The following SGCZ variants were observed in gnomAD, a reference collection of about 807,000 sequenced individuals.
SGCZ encodes sarcoglycan zeta, also known as zeta-sarcoglycan.
In SGCZ, 40 loss-of-function variants were observed where a neutral mutation model predicts 41.3. The ratio of observed to expected loss-of-function variants is 0.97; its 90% CI spans 0.75 to 1.26. The LOEUF is 1.26. Ranked by LOEUF, SGCZ falls within the 50% of genes most tolerant of loss-of-function variation. The pLI is 0.00. For missense variants in SGCZ, 552 were observed against 369.8 expected, an observed-to-expected ratio of 1.49 and a Z score of -4.04; for synonymous variants, 206 against 137.5, an observed-to-expected ratio of 1.50 and a Z score of -3.49.
chr8:14,514,907 T>C (rs919022436), intron 2 of SGCZ, among the ~76,000 whole-genome samples: 6 of 151,466 alleles, frequency 4.0e-5, no homozygotes, highest in African/African-American at 1.5e-4. Flanking sequence ...TTGTTCTTTC[T>C]ATTATGTTAC....
intron 2 of SGCZ, among the ~76,000 whole-genome samples, chr8:14,444,070 A>G (rs1392994310): frequency 6.9e-4 from 105 of 152,352 alleles, no homozygotes; most frequent in Non-Finnish European, 2.9e-4. Context: ...AATGCTCATC[A>G]TCACTGGCCA....
At chr8:14,605,422 CTT>C in intron 1 of SGCZ, among the ~76,000 whole-genome samples, 1 of 152,170 alleles carries the variant, frequency 6.6e-6, no homozygotes, top group Non-Finnish European at 1.5e-5. Context: ...GAATTACACT[CTT>C]TTAGTTACTT....
At chr8:14,463,690 G>C (rs1047324879) in intron 2 of SGCZ, among the ~76,000 whole-genome samples, 1 of 151,620 alleles carries the variant, frequency 6.6e-6, no homozygotes, top group Non-Finnish European at 1.5e-5. Flanking sequence ...GGCACTATCA[G>C]GTCTTGTTCT....
intron 2 of SGCZ, among the ~76,000 whole-genome samples, chr8:14,413,244 T>G (rs1799408339): frequency 6.6e-6 from 1 of 152,030 alleles, no homozygotes; most frequent in Admixed American, 6.6e-5. Flanking sequence ...TAGGTAATGT[T>G]GTAATTATTC....
intron 1 of SGCZ, among the ~76,000 whole-genome samples, chr8:15,065,259 T>C (rs1805086855): frequency 6.6e-6 from 1 of 152,086 alleles, no homozygotes; most frequent in Non-Finnish European, 1.5e-5. Context: ...GCATTTCCTA[T>C]GATTCAGTTT....
intron 1 of SGCZ, among the ~76,000 whole-genome samples, chr8:14,715,874 T>C (rs1325929361): frequency 6.6e-6 from 1 of 152,086 alleles, no homozygotes; most frequent in Non-Finnish European, 1.5e-5. Context: ...GGAAACAAGT[T>C]ATCATCAGTA....
intron 2 of SGCZ, among the ~76,000 whole-genome samples, chr8:14,494,254 C>A (rs1462636545): frequency 1.3e-5 from 2 of 152,140 alleles, no homozygotes; most frequent in Non-Finnish European, 2.9e-5. Flanking sequence ...GAGCCTGTCT[C>A]TCTCAATCAC....
At chr8:14,214,370 G>A (rs537234138) in intron 4 of SGCZ, among the ~76,000 whole-genome samples, 16 of 152,040 alleles carry the variant, frequency 1.1e-4, no homozygotes, top group East Asian at 7.7e-4. Context: ...ATGGGATACC[G>A]GAACAGAAAA....
intron 1 of SGCZ, among the ~76,000 whole-genome samples, chr8:14,588,560 C>A (rs1170745816): frequency 1.3e-5 from 2 of 151,848 alleles, no homozygotes; most frequent in African/African-American, 2.4e-5. Context: ...ACATTACTTT[C>A]ATGAGCAAAT....
In SGCZ at chr8:14,636,318, T is replaced by G. The variant is rs191560339; in HGVS notation, c.40-81392A>C. 2.5e-4 allele frequency among the ~76,000 whole-genome samples: 38 copies of G among 151,924 alleles called. 1 individual carries two copies. Among genetic ancestry groups the G allele is most frequent in the Admixed American group, 2.3e-3 (35 of 15,192 alleles). The stretch of plus-strand genomic sequence containing the variant: ...GAAGATAAAATGATTCCACTTCACT[T>G]TAGAAAGATCACGTTAACCACAATA... On this transcript the variant is annotated intron_variant, in intron 1 of 7. Coordinates refer to ENST00000382080, the MANE Select transcript of SGCZ (RefSeq NM_139167.4).
chr8:14,215,176 T>C (rs1406711900), intron 4 of SGCZ, among the ~76,000 whole-genome samples: 2 of 152,170 alleles, frequency 1.3e-5, no homozygotes, highest in Non-Finnish European at 2.9e-5. Context: ...TTCTTGACTA[T>C]ACTGAATCAA....
At chr8:14,358,426 G>A (rs184163672) in intron 2 of SGCZ, among the ~76,000 whole-genome samples, 6 of 151,956 alleles carry the variant, frequency 3.9e-5, no homozygotes, top group Admixed American at 2.0e-4. Context: ...ATCTCATTAC[G>A]TAAGAAGTCT....
chr8:14,886,737 TG>T (rs1804821242), intron 1 of SGCZ, among the ~76,000 whole-genome samples: 1 of 152,166 alleles, frequency 6.6e-6, no homozygotes, highest in Admixed American at 6.5e-5. Context: ...CTACTCTAAA[TG>T]AGACGGGAAA....
At chr8:14,205,135 T>C (rs2117080354) in intron 4 of SGCZ, among the ~76,000 whole-genome samples, 1 of 151,632 alleles carries the variant, frequency 6.6e-6, no homozygotes, top group African/African-American at 2.4e-5. Context: ...CATCAGCCTT[T>C]AATCGACTAC....
At chr8:15,220,633 T>C (rs1801562880) in intron 1 of SGCZ, among the ~76,000 whole-genome samples, 1 of 152,128 alleles carries the variant, frequency 6.6e-6, no homozygotes, top group Non-Finnish European at 1.5e-5. Flanking sequence ...GAACTGGAAA[T>C]ACCATTTGAC....
chr8:14,106,330 C>T (rs1046176995), intron 6 of SGCZ, among the ~76,000 whole-genome samples: 12 of 152,240 alleles, frequency 7.9e-5, no homozygotes, highest in African/African-American at 2.6e-4. Flanking sequence ...AAATGAAGAC[C>T]GTAGCATCCT....
chr8:14,843,044 C>T (rs1802980437), intron 1 of SGCZ, among the ~76,000 whole-genome samples: 1 of 152,168 alleles, frequency 6.6e-6, no homozygotes. Flanking sequence ...GAAACCCCAT[C>T]TCTACTAAAA....
Position 14,219,279 on chromosome 8 carries a change from C to A in SGCZ, c.424+18313G>T, listed in dbSNP as rs565776629. On this transcript the variant is annotated intron_variant, in intron 4 of 7. Transcript: ENST00000382080. ...CACTGTTTGATGGTCTGCTGCCTGTCGGATCTACTACGGCTTTTTCAATCC... is the reference window on the plus strand; with the variant it reads ...CACTGTTTGATGGTCTGCTGCCTGTAGGATCTACTACGGCTTTTTCAATCC... Among the ~76,000 whole-genome samples, 16 of 152,256 alleles carry A rather than the reference C, an allele frequency of 1.1e-4. No individual in the cohort carries two copies. In the South Asian group the frequency reaches 3.1e-3, roughly 30 times the overall value.
chr8:14,338,781 A>C (rs1339009829), intron 2 of SGCZ, among the ~76,000 whole-genome samples: 1 of 152,152 alleles, frequency 6.6e-6, no homozygotes, highest in Non-Finnish European at 1.5e-5. Flanking sequence ...AGGGGTTTTA[A>C]ATTGCCAATT....
Sources: allele counts gnomAD v4.1 joint callset (sites outside exome capture counted in the v4.1 genomes callset), GRCh38; gene constraint gnomAD v4.1.1; transcripts MANE v1.5; gene names NCBI Gene and HGNC (gene_info 2026-07-23, HGNC 2026-07-21).